Variants in SAMMSON observed in about 807,000 individuals in gnomAD.
The protein encoded by SAMMSON is long intergenic non-protein coding RNA 1212.
At chr3:70,062,258 C>T (rs2107592228) in intron 3 of SAMMSON, among the ~76,000 whole-genome samples, 1 of 152,038 alleles carries the variant, frequency 6.6e-6, no homozygotes, top group East Asian at 1.9e-4. Context: ...AGGCCCCTCT[C>T]CCCATGGCAT....
At chr3:70,237,841 G>T (rs1434148782) in intron 4 of SAMMSON, among the ~76,000 whole-genome samples, 1 of 152,072 alleles carries the variant, frequency 6.6e-6, no homozygotes, top group East Asian at 1.9e-4. Context: ...CTTAAATATT[G>T]CACTGAAAGT....
intron 9 of SAMMSON, among the ~76,000 whole-genome samples, chr3:70,376,264 A>T (rs1703013812): frequency 6.6e-6 from 1 of 152,204 alleles, no homozygotes; most frequent in Non-Finnish European, 1.5e-5. Context: ...GAGTTAACTA[A>T]GCGTTGTCTC....
At chr3:70,067,375 C>G (rs960764800) in intron 3 of SAMMSON, among the ~76,000 whole-genome samples, 2 of 151,714 alleles carry the variant, frequency 1.3e-5, no homozygotes, top group African/African-American at 4.8e-5. Context: ...ATATATTAAC[C>G]CATAATTAGA....
chr3:70,230,673 TAATC>T (rs1701550550), intron 4 of SAMMSON, among the ~76,000 whole-genome samples: 1 of 152,208 alleles, frequency 6.6e-6, no homozygotes, highest in South Asian at 2.1e-4. Flanking sequence ...GGTAATTTGA[TAATC>T]AATTCTAGGT....
intron 3 of SAMMSON, among the ~76,000 whole-genome samples, chr3:70,019,689 A>G (rs868051396): frequency 2.6e-5 from 4 of 152,142 alleles, no homozygotes; most frequent in Admixed American, 6.6e-5. Flanking sequence ...GACGGTCTTT[A>G]CAATTTGGCA....
intron 6 of SAMMSON, among the ~76,000 whole-genome samples, chr3:70,275,024 C>G (rs1353488109): frequency 6.6e-6 from 1 of 152,094 alleles, no homozygotes; most frequent in Non-Finnish European, 1.5e-5. Flanking sequence ...TCAAAGGAAA[C>G]TACAGAAACT....
intron 4 of SAMMSON, among the ~76,000 whole-genome samples, chr3:70,240,505 C>T (rs1298068336): frequency 6.6e-6 from 1 of 151,978 alleles, no homozygotes; most frequent in East Asian, 1.9e-4. Flanking sequence ...TATGTGTTTC[C>T]TAGCCCTTCT....
chr3:70,265,479 C>T (rs1701908606), intron 6 of SAMMSON, among the ~76,000 whole-genome samples: 2 of 149,768 alleles, frequency 1.3e-5, no homozygotes. Context: ...CTGCTCCATG[C>T]TACCTCCATA....
intron 7 of SAMMSON, among the ~76,000 whole-genome samples, chr3:70,300,631 C>T (rs553717261): frequency 6.6e-6 from 1 of 151,992 alleles, no homozygotes; most frequent in East Asian, 1.9e-4. Context: ...ATAAAAAGAA[C>T]TAGTTATTTC....
At chr3:70,398,625 T>C (rs1338191002) in intron 2 of SAMMSON, among the ~76,000 whole-genome samples, 2 of 152,196 alleles carry the variant, frequency 1.3e-5, no homozygotes, top group Non-Finnish European at 2.9e-5. Context: ...TAAAATAGCT[T>C]TTATATGACC....
In SAMMSON at chr3:70,136,730, A is replaced by C. The variant is rs1200007978; in HGVS notation, n.507+65165A>C. Among the ~76,000 whole-genome samples, 7 of 152,238 alleles carry C rather than the reference A, an allele frequency of 4.6e-5. No homozygotes were observed. In the East Asian group the frequency reaches 1.3e-3, roughly 29 times the overall value. ...TCTGAAATAAAAATAGCTTAGGAGAATACTGTATTTTATCAAGAGCTCAGA... is the reference window on the plus strand; with the variant it reads ...TCTGAAATAAAAATAGCTTAGGAGACTACTGTATTTTATCAAGAGCTCAGA... On this transcript the variant is annotated intron_variant and non_coding_transcript_variant, in intron 4 of 9. Transcript: ENST00000642114.
At chr3:70,011,266 C>T (rs1213184358) in intron 1 of SAMMSON, among the ~76,000 whole-genome samples, 1 of 151,934 alleles carries the variant, frequency 6.6e-6, no homozygotes, top group East Asian at 1.9e-4. Flanking sequence ...AAAACAAAAA[C>T]AAAAAGTCTT....
chr3:70,068,929 C>A (rs1033603742), intron 3 of SAMMSON: 32 of 152,026 alleles, frequency 2.1e-4, no homozygotes, highest in African/African-American at 7.5e-4. Flanking sequence ...TTACTGTGAG[C>A]ATTTGTTAAA....
In SAMMSON at chr3:70,176,626, TTC is replaced by T. The variant is rs757175130; in HGVS notation, n.508-72477_508-72476del. ...CTTAAACGACTTTTCAAACTAATAA[TTC>T]TCTTTTTCTACCAGAAAACAAACTC... On this transcript the variant is annotated intron_variant and non_coding_transcript_variant, in intron 4 of 9. Transcript: ENST00000642114. 1.2e-4 allele frequency among the ~76,000 whole-genome samples: 19 copies of T among 152,284 alleles called. 1 individual carries two copies. In the East Asian group the frequency reaches 3.7e-3, roughly 29 times the overall value.
intron 2 of SAMMSON, among the ~76,000 whole-genome samples, chr3:70,403,037 T>G (rs1348677817): frequency 6.6e-6 from 1 of 152,260 alleles, no homozygotes; most frequent in South Asian, 2.1e-4. Context: ...TGCTTTATAG[T>G]CACAGATGCC....
chr3:70,162,238 T>C (rs528718938), intron 4 of SAMMSON, among the ~76,000 whole-genome samples: 1 of 152,038 alleles, frequency 6.6e-6, no homozygotes, highest in Non-Finnish European at 1.5e-5. Context: ...GTAAATTGCT[T>C]TGAGATCTTT....
intron 6 of SAMMSON, among the ~76,000 whole-genome samples, chr3:70,265,467 C>T (rs545198742): frequency 1.3e-5 from 2 of 151,658 alleles, no homozygotes; most frequent in South Asian, 4.2e-4. Context: ...ACCCACCCCA[C>T]CCTGCTCCAT....
At position 70,298,430 on chromosome 3, in the gene SAMMSON, G is replaced by A. The variant is rs183898404; in HGVS notation, n.739+7187G>A. Among the ~76,000 whole-genome samples, 4 of 152,160 alleles carry A rather than the reference G, an allele frequency of 2.6e-5. No individual in the cohort carries two copies. In the East Asian group the frequency reaches 7.7e-4, roughly 29 times the overall value. The stretch of plus-strand genomic sequence containing the variant: ...AATGATTAATCCTTATAATTTGTTT[G>A]TGTCTTAAATTACTGGATATTATGG... On this transcript the variant is annotated intron_variant and non_coding_transcript_variant, in intron 7 of 9. Transcript: ENST00000642114.
At chr3:70,038,063 G>GT (rs140994588) in intron 3 of SAMMSON, among the ~76,000 whole-genome samples, 2,873 of 152,166 alleles carry the variant, frequency 0.019, 93 homozygotes, top group African/African-American at 0.064. Context: ...ATTTGTGATG[G>GT]TTTTTTGTTA....
Sources: gnomAD v4.1 joint callset for allele counts (sites outside exome capture counted in the v4.1 genomes callset) on GRCh38, gnomAD v4.1.1 for gene constraint, MANE v1.5 for transcripts, NCBI Gene and HGNC (gene_info 2026-07-23, HGNC 2026-07-21) for gene names.